The following CNTNAP2 variants were observed in gnomAD, a reference collection of about 807,000 sequenced individuals.
The protein encoded by CNTNAP2 is contactin-associated protein-like 2.
In CNTNAP2, 98 loss-of-function variants were observed where a neutral mutation model predicts 155.2. The ratio of observed to expected loss-of-function variants is 0.63; its 90% CI spans 0.54 to 0.75. The LOEUF is 0.75. Among genes scored for constraint, CNTNAP2 ranks in the 30% least tolerant of loss-of-function variants. CNTNAP2 has a pLI of 0.00. For synonymous variants in CNTNAP2, 651 were observed against 631.2 expected (o/e 1.03, Z -0.47); for missense variants, 1,727 against 1,688.1 (o/e 1.02, Z -0.40).
chr7:146,804,190 G>A (rs1220606817), intron 2 of CNTNAP2, among the ~76,000 whole-genome samples: 8 of 152,144 alleles, frequency 5.3e-5, no homozygotes. Context: ...CCCCTCCTCT[G>A]TAAAAGAGAT....
chr7:147,293,763 G>A (rs1338846689), intron 8 of CNTNAP2, among the ~76,000 whole-genome samples: 2 of 152,012 alleles, frequency 1.3e-5, no homozygotes, highest in Non-Finnish European at 2.9e-5. Flanking sequence ...TTCCTCAAGA[G>A]TCTTACTTTA....
chr7:146,626,900 C>T (rs935829449), intron 1 of CNTNAP2, among the ~76,000 whole-genome samples: 5 of 152,110 alleles, frequency 3.3e-5, no homozygotes, highest in African/African-American at 1.2e-4. Flanking sequence ...GGCCTAACTT[C>T]ATTGGGTCAT....
intron 3 of CNTNAP2, among the ~76,000 whole-genome samples, chr7:146,930,314 C>T (rs1175021750): frequency 6.6e-6 from 1 of 152,008 alleles, no homozygotes; most frequent in Non-Finnish European, 1.5e-5. Flanking sequence ...ATTTTCAACC[C>T]AGAATTTCAT....
intron 13 of CNTNAP2, among the ~76,000 whole-genome samples, chr7:147,665,832 T>C (rs1222886484): frequency 3.9e-5 from 6 of 152,224 alleles, no homozygotes; most frequent in African/African-American, 1.4e-4. Flanking sequence ...TAGTATTCCA[T>C]GGTGTATATG....
chr7:147,683,721 C>T (rs114750014), intron 13 of CNTNAP2, among the ~76,000 whole-genome samples: 1 of 143,512 alleles, frequency 7.0e-6, no homozygotes, highest in Non-Finnish European at 1.5e-5. Context: ...GTTATGTACA[C>T]ACTCAAGCTT....
intron 13 of CNTNAP2, among the ~76,000 whole-genome samples, chr7:147,828,714 C>T (rs1224974712): frequency 6.6e-6 from 1 of 152,144 alleles, no homozygotes; most frequent in Non-Finnish European, 1.5e-5. Flanking sequence ...ACTGATACTC[C>T]AGCTCAAGTG....
At chr7:146,502,239 ATATATATATATATATATAT>A (rs1563109694) in intron 1 of CNTNAP2, among the ~76,000 whole-genome samples, 1 of 120,238 alleles carries the variant, frequency 8.3e-6, no homozygotes, top group African/African-American at 3.6e-5. Context: ...ATATATATAT[ATATATATATATATATATAT>A]ATGTCATATT....
chr7:146,251,776 C>T (rs779035044), intron 1 of CNTNAP2, among the ~76,000 whole-genome samples: 1 of 152,148 alleles, frequency 6.6e-6, no homozygotes, highest in Non-Finnish European at 1.5e-5. Flanking sequence ...GAGCTTCAGA[C>T]TTAACGTCAT....
chr7:146,474,346 T>C (rs10274641), intron 1 of CNTNAP2, among the ~76,000 whole-genome samples: 4 of 150,138 alleles, frequency 2.7e-5, no homozygotes, highest in African/African-American at 9.7e-5. Context: ...CCACTCATCT[T>C]GGAACAATTT....
chr7:146,416,450 G>A (rs935352599), intron 1 of CNTNAP2, among the ~76,000 whole-genome samples: 4 of 152,090 alleles, frequency 2.6e-5, no homozygotes, highest in African/African-American at 9.7e-5. Flanking sequence ...GTGCAGACAT[G>A]TGATCAGCAT....
intron 3 of CNTNAP2, among the ~76,000 whole-genome samples, chr7:146,890,333 C>A (rs946657834): frequency 6.6e-6 from 1 of 152,118 alleles, no homozygotes; most frequent in Non-Finnish European, 1.5e-5. Context: ...AGAAAATAAG[C>A]AGAGTTGTGA....
At chr7:146,809,385 G>A (rs1803024751) in intron 2 of CNTNAP2, among the ~76,000 whole-genome samples, 2 of 151,690 alleles carry the variant, frequency 1.3e-5, no homozygotes, top group South Asian at 4.2e-4. Flanking sequence ...TTTTTGAGAT[G>A]GAGCCTCACT....
rs188199880 is a variant in CNTNAP2, at chr7:146,605,517, A to T, written c.98-168754A>T. Among the ~76,000 whole-genome samples the T allele has an allele frequency of 1.3e-3, 194 of 143,982 alleles. 6 individuals carry two copies. Among genetic ancestry groups the T allele is most frequent in the Non-Finnish European group, 1.7e-3 (110 of 64,570 alleles). The allele number at this position is 143,982 out of a possible 152,430, so 94.5% of individuals were successfully genotyped here. A position where few individuals can be genotyped will look rare whatever the true frequency, so the allele number is the denominator to read the frequency against. ...AAGATGGTGGAGGGTCTCAGAGCCA[A>T]GTTATGTCACTAATGAACTACAGAT... On this transcript the variant is annotated intron_variant, in intron 1 of 23. Coordinates refer to ENST00000361727, the MANE Select transcript of CNTNAP2 (RefSeq NM_014141.6).
At chr7:147,645,494 G>A (rs981773576) in intron 13 of CNTNAP2, among the ~76,000 whole-genome samples, 1 of 152,156 alleles carries the variant, frequency 6.6e-6, no homozygotes, top group African/African-American at 2.4e-5. Flanking sequence ...GACAAGCAAC[G>A]AGGATAGTAA....
At chr7:146,194,900 A>G (rs1346292126) in intron 1 of CNTNAP2, among the ~76,000 whole-genome samples, 1 of 152,194 alleles carries the variant, frequency 6.6e-6, no homozygotes, top group East Asian at 1.9e-4. Flanking sequence ...CTAGTCCTAA[A>G]TACACTGCTG....
At chr7:146,219,466 A>G (rs996126918) in intron 1 of CNTNAP2, among the ~76,000 whole-genome samples, 1 of 152,176 alleles carries the variant, frequency 6.6e-6, no homozygotes, top group African/African-American at 2.4e-5. Context: ...TCTAACAAAT[A>G]ATTAGTAGAT....
At chr7:147,495,467 C>G (rs7780096) in intron 11 of CNTNAP2, among the ~76,000 whole-genome samples, 22,721 of 152,082 alleles carry the variant, frequency 0.15, 1,820 homozygotes, top group East Asian at 0.29. Flanking sequence ...CACCACTGCC[C>G]TGTTTCATTA....
intron 8 of CNTNAP2, among the ~76,000 whole-genome samples, chr7:147,279,454 T>C (rs1488360958): frequency 1.3e-5 from 2 of 151,834 alleles, no homozygotes; most frequent in Non-Finnish European, 2.9e-5. Flanking sequence ...GTACTCTTCA[T>C]GTTTATGCCA....
intron 1 of CNTNAP2, among the ~76,000 whole-genome samples, chr7:146,149,241 G>T (rs1207932802): frequency 6.6e-6 from 1 of 151,924 alleles, no homozygotes; most frequent in Non-Finnish European, 1.5e-5. Context: ...TCTCAAAACA[G>T]TTATAAGATT....
Sources: allele counts gnomAD v4.1 joint callset (sites outside exome capture counted in the v4.1 genomes callset), GRCh38; gene constraint gnomAD v4.1.1; transcripts MANE v1.5; gene names NCBI Gene and HGNC (gene_info 2026-07-23, HGNC 2026-07-21).